Variants in TCF7L1 observed in about 807,000 individuals in gnomAD.
The protein encoded by TCF7L1 is transcription factor 7 like 1, also known as transcription factor 7-like 1.
TCF7L1 carries 18 observed loss-of-function variants against 63.7 expected under a neutral mutation model. The observed-to-expected ratio is 0.28, with a 90% CI of 0.20 to 0.42. TCF7L1 has a LOEUF of 0.42. Among genes scored for constraint, TCF7L1 ranks in the 10% least tolerant of loss-of-function variants. TCF7L1 has a pLI of 1.00. For synonymous variants in TCF7L1, 355 were observed against 340.9 expected, an observed-to-expected ratio of 1.04 and a Z score of -0.46; for missense variants, 654 against 779.3, an observed-to-expected ratio of 0.84 and a Z score of 1.91.
At chr2:85,150,974 T>C (rs564280579) in intron 3 of TCF7L1, among the ~76,000 whole-genome samples, 82 of 152,284 alleles carry the variant, frequency 5.4e-4, no homozygotes, top group African/African-American at 1.7e-3. Flanking sequence ...ATTTTTTCAG[T>C]TGCTAGATTG....
At chr2:85,260,453 A>G (rs955836980) in intron 3 of TCF7L1, among the ~76,000 whole-genome samples, 6 of 152,140 alleles carry the variant, frequency 3.9e-5, no homozygotes, top group African/African-American at 1.4e-4. Context: ...CCTGGGCAAC[A>G]TAGTGAGACC....
At chr2:85,190,422 G>C (rs1679017202) in intron 3 of TCF7L1, among the ~76,000 whole-genome samples, 1 of 152,174 alleles carries the variant, frequency 6.6e-6, no homozygotes, top group Non-Finnish European at 1.5e-5. Flanking sequence ...AGCACCATAG[G>C]CCTCTGCAGA....
intron 3 of TCF7L1, among the ~76,000 whole-genome samples, chr2:85,168,560 G>A (rs1298993117): frequency 2.0e-5 from 3 of 152,046 alleles, no homozygotes; most frequent in African/African-American, 7.2e-5. Flanking sequence ...CCGCCTGGTA[G>A]AGCTGCGTGG....
intron 3 of TCF7L1, among the ~76,000 whole-genome samples, chr2:85,164,245 C>T (rs1414128752): frequency 6.6e-6 from 1 of 152,168 alleles, no homozygotes; most frequent in East Asian, 1.9e-4. Flanking sequence ...TCTGGGTACA[C>T]TCAGAGGATG....
intron 3 of TCF7L1, among the ~76,000 whole-genome samples, chr2:85,147,778 C>T (rs1677915573): frequency 6.6e-6 from 1 of 152,076 alleles, no homozygotes; most frequent in Non-Finnish European, 1.5e-5. Context: ...AGTTTGTTGC[C>T]TCGCTCATAC....
chr2:85,252,123 A>G (rs1040905215), intron 3 of TCF7L1, among the ~76,000 whole-genome samples: 3 of 152,088 alleles, frequency 2.0e-5, no homozygotes, highest in Admixed American at 6.5e-5. Context: ...CTGTGTGTGC[A>G]TTGGGTGGTA....
At chr2:85,308,396 T>TCCCC (rs1253056128) in intron 11 of TCF7L1, among the ~76,000 whole-genome samples, 76 of 109,512 alleles carry the variant, frequency 6.9e-4, no homozygotes, top group Non-Finnish European at 7.7e-4. Flanking sequence ...TCCCTCCCAT[T>TCCCC]CTCCTTCCCT....
At chr2:85,243,545 C>T (rs1180193459) in intron 3 of TCF7L1, among the ~76,000 whole-genome samples, 2 of 152,030 alleles carry the variant, frequency 1.3e-5, no homozygotes, top group Non-Finnish European at 2.9e-5. Context: ...CCAGTGTTTT[C>T]GGAATTGTCT....
chr2:85,253,862 T>A (rs1386759053), intron 3 of TCF7L1, among the ~76,000 whole-genome samples: 1 of 152,234 alleles, frequency 6.6e-6, no homozygotes, highest in Non-Finnish European at 1.5e-5. Context: ...TAACTTTAGA[T>A]CAAGGTAACA....
At chr2:85,166,171 G>A (rs934464306) in intron 3 of TCF7L1, among the ~76,000 whole-genome samples, 3 of 152,218 alleles carry the variant, frequency 2.0e-5, no homozygotes, top group African/African-American at 7.2e-5. Context: ...CCTTGGGGCT[G>A]GAGGTAGAGA....
At chr2:85,202,144 AG>A (rs1679286760) in intron 3 of TCF7L1, among the ~76,000 whole-genome samples, 1 of 151,866 alleles carries the variant, frequency 6.6e-6, no homozygotes, top group South Asian at 2.1e-4. Context: ...TTGTATTTTT[AG>A]TAGAGATGGG....
In TCF7L1 at chr2:85,265,452, G is replaced by T. The variant is rs956428041; in HGVS notation, c.442-18043G>T. Among the ~76,000 whole-genome samples the T allele has an allele frequency of 2.6e-5, 4 of 152,200 alleles. No homozygotes were observed. The South Asian group carries it at 8.3e-4, about 31-fold the overall frequency. On this transcript the variant is annotated intron_variant, in intron 3 of 11. Coordinates refer to ENST00000282111, the MANE Select transcript of TCF7L1 (RefSeq NM_031283.3). ...TGGGTTGTCTCCTCTGGTTGAATTG[G>T]CGCCCAGACCTTCCCCCAGAGGGGA...
At chr2:85,277,169 C>A (rs576777170) in intron 3 of TCF7L1, among the ~76,000 whole-genome samples, 2 of 151,828 alleles carry the variant, frequency 1.3e-5, no homozygotes, top group African/African-American at 4.8e-5. Context: ...GGGAAGTGTT[C>A]TGAGCAGGGG....
Position 85,298,481 on chromosome 2 carries a change from CAAAAAAAAA to C in TCF7L1, c.526-3990_526-3982del, listed in dbSNP as rs775849544. 1.8e-3 allele frequency among the ~76,000 whole-genome samples: 126 copies of C among 71,054 alleles called. 1 individual carries two copies. Among genetic ancestry groups the C allele is most frequent in the African/African-American group, 7.3e-3 (120 of 16,334 alleles). 46.6% of individuals were successfully genotyped at this position (71,054 alleles called of 152,430 possible). On this transcript the variant is annotated intron_variant, in intron 4 of 11. Transcript: ENST00000282111. ...CTGGTGACAGAGCAAGACTCTGTCT[CAAAAAAAAA>C]AAAAAAAAAAAAGCATGTGAGAGAG... is the stretch of plus-strand genomic sequence containing the variant.
In TCF7L1 at chr2:85,296,693, G is replaced by A. The variant is rs536048776; in HGVS notation, c.526-5791G>A. Among the ~76,000 whole-genome samples, 89 of 152,258 alleles carry A rather than the reference G, an allele frequency of 5.8e-4. 3 individuals carry two copies. The South Asian group carries it at 0.016, about 27-fold the overall frequency. On this transcript the variant is annotated intron_variant, in intron 4 of 11. Transcript: ENST00000282111. ...TTCATTTCTGCTGTTGAGCTTCAGC[G>A]TCTTTGAAATTCTTACTCATGTCTC...
chr2:85,135,625 C>T (rs1677574352), intron 3 of TCF7L1, among the ~76,000 whole-genome samples: 2 of 149,718 alleles, frequency 1.3e-5, no homozygotes, highest in Admixed American at 6.7e-5. Flanking sequence ...GTACAGCGGT[C>T]GGTGGAGAGC....
intron 3 of TCF7L1, among the ~76,000 whole-genome samples, chr2:85,182,842 T>A (rs1572980327): frequency 6.6e-6 from 1 of 152,130 alleles, no homozygotes; most frequent in Non-Finnish European, 1.5e-5. Context: ...CCACTTGGAG[T>A]GTCAGAATCA....
chr2:85,220,857 T>C (rs1679825762), intron 3 of TCF7L1, among the ~76,000 whole-genome samples: 1 of 152,226 alleles, frequency 6.6e-6, no homozygotes, highest in Admixed American at 6.5e-5. Flanking sequence ...AAACAATGAT[T>C]ATCTCAATAG....
chr2:85,256,389 A>G (rs533307661), intron 3 of TCF7L1, among the ~76,000 whole-genome samples: 1 of 152,226 alleles, frequency 6.6e-6, no homozygotes, highest in Non-Finnish European at 1.5e-5. Flanking sequence ...TCTCTGTTGG[A>G]GGATTTGGGT....
Sources: gnomAD v4.1 joint callset for allele counts (sites outside exome capture counted in the v4.1 genomes callset) on GRCh38, gnomAD v4.1.1 for gene constraint, MANE v1.5 for transcripts, NCBI Gene and HGNC (gene_info 2026-07-23, HGNC 2026-07-21) for gene names.